Variants in NTM observed in about 807,000 individuals in gnomAD.
NTM encodes IgLON family member 2.
Under a neutral mutation model 42.1 loss-of-function variants are expected in NTM, and 13 were observed. That is an observed-to-expected ratio of 0.31 (90% CI 0.20 to 0.49). NTM has a LOEUF of 0.49. Ranked by LOEUF, NTM falls within the 20% of genes least tolerant of loss-of-function variation. The pLI, the probability that NTM is intolerant of heterozygous loss-of-function variation, is 0.99. For synonymous variants in NTM, 187 were observed against 179.2 expected (o/e 1.04, Z -0.35); for missense variants, 373 against 452.8 (o/e 0.82, Z 1.60).
intron 1 of NTM, among the ~76,000 whole-genome samples, chr11:131,655,638 A>T (rs2739285): frequency 0.76 from 114,969 of 152,096 alleles, 45,139 homozygotes; most frequent in East Asian, 0.91. Context: ...TCCATTCCCC[A>T]CTCAGAAGTG....
At chr11:132,044,865 T>C (rs1377636757) in intron 2 of NTM, among the ~76,000 whole-genome samples, 1 of 147,710 alleles carries the variant, frequency 6.8e-6, no homozygotes, top group Non-Finnish European at 1.5e-5. Flanking sequence ...CAATAACGAG[T>C]TCTGAAATTG....
At chr11:131,452,839 A>G (rs745777758) in intron 1 of NTM, among the ~76,000 whole-genome samples, 4 of 152,178 alleles carry the variant, frequency 2.6e-5, no homozygotes, top group Non-Finnish European at 4.4e-5. Context: ...TATCGCTCAG[A>G]TGACTGAGGC....
At chr11:132,082,192 C>G (rs187226140) in intron 2 of NTM, among the ~76,000 whole-genome samples, 9 of 152,018 alleles carry the variant, frequency 5.9e-5, no homozygotes, top group Admixed American at 2.6e-4. Flanking sequence ...AATTTTCCCC[C>G]CTTTGTTCAG....
intron 1 of NTM, among the ~76,000 whole-genome samples, chr11:131,386,733 A>T (rs1465160663): frequency 1.3e-5 from 2 of 152,210 alleles, no homozygotes; most frequent in African/African-American, 2.4e-5. Context: ...TGCTTGTGTA[A>T]TGGGAGAGAC....
intron 1 of NTM, among the ~76,000 whole-genome samples, chr11:131,882,510 G>C (rs949740999): frequency 6.6e-6 from 1 of 152,190 alleles, no homozygotes; most frequent in African/African-American, 2.4e-5. Flanking sequence ...TCCAATATCT[G>C]GATGCTGTGG....
chr11:132,104,910 C>CCT (rs1197060054), intron 2 of NTM, among the ~76,000 whole-genome samples: 5 of 108,260 alleles, frequency 4.6e-5, no homozygotes, highest in South Asian at 3.0e-4. Flanking sequence ...ACAGGGAGAT[C>CCT]CTCTCTCTCT....
chr11:132,162,624 T>A (rs2137654184), intron 3 of NTM, among the ~76,000 whole-genome samples: 1 of 148,580 alleles, frequency 6.7e-6, no homozygotes, highest in African/African-American at 2.5e-5. Context: ...TGTGTGAGTG[T>A]GTGTATGTGT....
rs867735072 is a variant in NTM, at chr11:132,002,122, A to G, written c.167+90474A>G. Among the ~76,000 whole-genome samples the G allele has an allele frequency of 6.6e-6, 1 of 152,172 alleles. No homozygotes were observed. The highest frequency in any genetic ancestry group is 1.5e-5 in the Non-Finnish European group (1 of 68,040). On this transcript the variant is annotated intron_variant, in intron 2 of 8. Coordinates refer to ENST00000683400, the MANE Select transcript of NTM (RefSeq NM_001352005.2). This position sits in a 1 kb window ranked among gnomAD's most constrained non-coding sequence, Gnocchi z 4.5. Reference sequence around the variant, plus strand: ...TCCATGGCAACCGGGGCTGGAAATTATGCTGCCTGAAGAGGGTGGAGGCTC... The same window carrying G: ...TCCATGGCAACCGGGGCTGGAAATTGTGCTGCCTGAAGAGGGTGGAGGCTC...
chr11:132,334,602 A>G (rs951460422), intron 8 of NTM, among the ~76,000 whole-genome samples: 1 of 152,206 alleles, frequency 6.6e-6, no homozygotes, highest in African/African-American at 2.4e-5. Flanking sequence ...TTTCTGAGCC[A>G]CAGGCCAAGC....
intron 4 of NTM, among the ~76,000 whole-genome samples, chr11:132,230,249 C>A (rs1033286156): frequency 1.1e-4 from 17 of 152,312 alleles, no homozygotes; most frequent in African/African-American, 3.8e-4. Flanking sequence ...TAAACAGTAG[C>A]AGCAAAGACT....
At chr11:132,323,250 T>C (rs2095608662) in intron 7 of NTM, among the ~76,000 whole-genome samples, 1 of 151,432 alleles carries the variant, frequency 6.6e-6, no homozygotes, top group Non-Finnish European at 1.5e-5. Context: ...AGCTGGTTTT[T>C]TGAAAGGATC....
chr11:132,289,868 G>A (rs2094395050), intron 4 of NTM, among the ~76,000 whole-genome samples: 1 of 152,182 alleles, frequency 6.6e-6, no homozygotes, highest in South Asian at 2.1e-4. Flanking sequence ...CGTCTTACAA[G>A]CCTTATCTTT....
At chr11:131,471,282 G>T (rs369781813) in intron 1 of NTM, among the ~76,000 whole-genome samples, 2 of 152,178 alleles carry the variant, frequency 1.3e-5, no homozygotes, top group African/African-American at 4.8e-5. Flanking sequence ...CCTTCCCAAG[G>T]AAGTTTTCCT....
At chr11:131,440,576 T>A (rs1481812393) in intron 1 of NTM, among the ~76,000 whole-genome samples, 3 of 152,052 alleles carry the variant, frequency 2.0e-5, no homozygotes, top group African/African-American at 7.2e-5. Flanking sequence ...TTTCTGATTC[T>A]GTAGGTCTTG....
At chr11:131,927,917 T>C (rs1326113912) in intron 2 of NTM, among the ~76,000 whole-genome samples, 3 of 152,110 alleles carry the variant, frequency 2.0e-5, no homozygotes, top group African/African-American at 7.2e-5. Flanking sequence ...TAAGTCTGCA[T>C]GAAACATGTG....
chr11:132,175,121 C>T (rs928910701), intron 3 of NTM, among the ~76,000 whole-genome samples: 7 of 152,108 alleles, frequency 4.6e-5, no homozygotes, highest in Non-Finnish European at 8.8e-5. Context: ...AGCGCTCATA[C>T]TAGAGAATGA....
intron 2 of NTM, among the ~76,000 whole-genome samples, chr11:131,927,396 T>C (rs2058081472): frequency 6.6e-6 from 1 of 152,210 alleles, no homozygotes; most frequent in South Asian, 2.1e-4. Flanking sequence ...TGGCCTGGCC[T>C]TGGAGCCATT....
At chr11:132,186,844 A>G (rs1462375908) in intron 3 of NTM, among the ~76,000 whole-genome samples, 4 of 152,168 alleles carry the variant, frequency 2.6e-5, no homozygotes, top group Admixed American at 1.3e-4. Flanking sequence ...TCCAGTTCTC[A>G]TCCCATTACC....
intron 2 of NTM, among the ~76,000 whole-genome samples, chr11:132,085,296 A>G (rs953729350): frequency 5.3e-5 from 8 of 152,190 alleles, no homozygotes; most frequent in Admixed American, 5.2e-4. Context: ...GCAATTTTTA[A>G]CTTTAACATA....
Sources: gnomAD v4.1 joint callset for allele counts (sites outside exome capture counted in the v4.1 genomes callset) on GRCh38, gnomAD v4.1.1 for gene constraint, Gnocchi (gnomAD v3.1) non-coding constraint, MANE v1.5 for transcripts, NCBI Gene and HGNC (gene_info 2026-07-23, HGNC 2026-07-21) for gene names.